Variants in NFE2L2 observed in about 807,000 individuals in gnomAD.
NFE2L2 encodes the protein nuclear factor erythroid 2-related factor 2.
NFE2L2 carries 20 observed loss-of-function variants against 49.6 expected under a neutral mutation model. The observed-to-expected ratio is 0.40, with a 90% CI of 0.28 to 0.59. The LOEUF (loss-of-function observed/expected upper bound fraction) is 0.59. Ranked by LOEUF, NFE2L2 falls within the 20% of genes least tolerant of loss-of-function variation. The pLI, the probability that NFE2L2 is intolerant of heterozygous loss-of-function variation, is 0.40. For missense variants in NFE2L2, 578 were observed against 714.2 expected (o/e 0.81, Z 2.17); for synonymous variants, 244 against 256.5 (o/e 0.95, Z 0.47).
rs763898712 is a variant in NFE2L2 at position 177,231,730 on chromosome 2, A to G, written c.873T>C (p.Ala291=). The change falls in exon 5 of 5, where the codon GCT becomes GCC. Residue 291 remains alanine (A), a synonymous_variant. Coordinates refer to ENST00000397062, the MANE Select transcript of NFE2L2 (RefSeq NM_006164.5). ...FGDEFYSAFI[A]EPSISNSMPS... Reference sequence around the variant, plus strand: ...GCATGCTGTTGCTGATACTGGGCTCAGCTATGAAAGCAGAATAAAATTCAT... The same window carrying G: ...GCATGCTGTTGCTGATACTGGGCTCGGCTATGAAAGCAGAATAAAATTCAT... 7.4e-6 allele frequency: 12 copies of G among 1,614,104 alleles called. No homozygotes were observed. In the East Asian group the frequency reaches 2.4e-4, roughly 33 times the overall value.
rs752766366 is a variant in NFE2L2, at chr2:177,231,875, C to G, written c.728G>C (p.Ser243Thr). Reference sequence around the variant, plus strand: ...CTCAAAAGCATTAAGAAAATGTGGACTACAGTTACCTACTTCTTTTTCCAT... The same window carrying G: ...CTCAAAAGCATTAAGAAAATGTGGAGTACAGTTACCTACTTCTTTTTCCAT... ...PSMEKEVGNC[S>T]PHFLNAFEDS... The change falls in exon 5 of 5, where the codon AGT (serine) becomes ACT (threonine). Residue 243 changes from serine to threonine, a missense_variant. Physicochemically the swap from Ser to Thr is moderately conservative, Grantham distance 58 (BLOSUM62 1). Transcript: ENST00000397062. 5.0e-6 allele frequency: 8 copies of G among 1,614,154 alleles called. No homozygotes were observed. Among genetic ancestry groups the G allele is most frequent in the Non-Finnish European group, 6.8e-6 (8 of 1,180,012 alleles).
intron 1 of NFE2L2, 27 bp from the exon 2 acceptor site, chr2:177,234,298 A>C (rs1374830034): frequency 2.8e-5 from 44 of 1,573,706 alleles, no homozygotes; most frequent in Non-Finnish European, 3.5e-5. Flanking sequence ...AAAAGGAAGG[A>C]GAGAGCTCAT....
At chr2:177,264,013 G>A (rs1389100933) in intron 1 of NFE2L2, 1 of 923,586 alleles carries the variant, frequency 1.1e-6, no homozygotes, top group Non-Finnish European at 1.3e-6. Context: ...CTTGGGGCGC[G>A]GCGAAGGGGC....
chr2:177,257,232 C>G (rs75725292), intron 1 of NFE2L2, among the ~76,000 whole-genome samples: 32 of 152,334 alleles, frequency 2.1e-4, no homozygotes, highest in African/African-American at 7.5e-4. Context: ...GTCCTGGCCT[C>G]CAGGATGTTC....
chr2:177,251,733 T>C (rs1474895902), intron 1 of NFE2L2, among the ~76,000 whole-genome samples: 3 of 151,984 alleles, frequency 2.0e-5, no homozygotes, highest in African/African-American at 2.4e-5. Flanking sequence ...TTGCCAGGCG[T>C]GGTGGCTCAT....
At position 177,232,576 on chromosome 2, in the gene NFE2L2, G is replaced by C. The variant is rs763097686; in HGVS notation, c.410C>G (p.Ser137Trp). The C allele has an allele frequency of 1.2e-6, 2 of 1,613,660 alleles. No individual in the cohort carries two copies. The highest frequency in any genetic ancestry group is 2.2e-5 in the East Asian group (1 of 44,862). The change falls in exon 4 of 5, where the codon TCG (serine) becomes TGG (tryptophan). Residue 137 changes from serine to tryptophan, a missense_variant. Ser to Trp is a radical substitution (Grantham distance 177). Coordinates refer to ENST00000397062, the MANE Select transcript of NFE2L2 (RefSeq NM_006164.5). Reference protein sequence around the residue: ...FPFVDDNEVSSATFQSLVPDI... With the variant: ...FPFVDDNEVSWATFQSLVPDI... ...AGGAACAAGTGACTGAAACGTAGCCGAAGAAACCTAAAATTGATAAGGCAT... is the reference window on the plus strand; with the variant it reads ...AGGAACAAGTGACTGAAACGTAGCCCAAGAAACCTAAAATTGATAAGGCAT...
At chr2:177,233,611 A>G in intron 2 of NFE2L2, 1 of 516,690 alleles carries the variant, frequency 1.9e-6, no homozygotes, top group Non-Finnish European at 3.4e-6. Context: ...ATGGTAACTA[A>G]TTAATATAGT....
chr2:177,250,633 G>C (rs532318956), intron 1 of NFE2L2, among the ~76,000 whole-genome samples: 1 of 152,356 alleles, frequency 6.6e-6, no homozygotes, highest in East Asian at 1.9e-4. Flanking sequence ...GAGAGGTTAA[G>C]TACTTTTGCC....
At chr2:177,256,400 C>A (rs1690525049) in intron 1 of NFE2L2, among the ~76,000 whole-genome samples, 1 of 151,600 alleles carries the variant, frequency 6.6e-6, no homozygotes, top group Non-Finnish European at 1.5e-5. Context: ...AACAGTGGGC[C>A]CCCTAAATAC....
chr2:177,247,530 G>A (rs371405986), intron 1 of NFE2L2, among the ~76,000 whole-genome samples: 19 of 151,698 alleles, frequency 1.3e-4, no homozygotes, highest in Non-Finnish European at 2.1e-4. Context: ...GCGTGGTAGC[G>A]GGAGCCTATA....
At chr2:177,260,274 C>A (rs564325733) in intron 1 of NFE2L2, among the ~76,000 whole-genome samples, 1 of 152,250 alleles carries the variant, frequency 6.6e-6, no homozygotes, top group East Asian at 1.9e-4. Context: ...CCCTGCTGTG[C>A]AACATATTTC....
intron 3 of NFE2L2, 157 bp from the exon 4 acceptor site, chr2:177,232,740 T>C: frequency 1.4e-6 from 1 of 694,596 alleles, no homozygotes; most frequent in Non-Finnish European, 2.3e-6. Flanking sequence ...AAATCTTTTT[T>C]TCCTACCCCA....
intron 1 of NFE2L2, among the ~76,000 whole-genome samples, chr2:177,248,791 T>C (rs1690226914): frequency 6.6e-6 from 1 of 152,168 alleles, no homozygotes. Context: ...TGTAAGACTG[T>C]GCCTTTGCTC....
intron 1 of NFE2L2, among the ~76,000 whole-genome samples, chr2:177,259,837 C>T (rs1299504041): frequency 6.6e-6 from 1 of 151,920 alleles, no homozygotes; most frequent in East Asian, 1.9e-4. Context: ...GAGGCTGGGG[C>T]AGGAGAATGG....
chr2:177,253,311 G>C (rs973652278), intron 1 of NFE2L2, among the ~76,000 whole-genome samples: 1 of 152,138 alleles, frequency 6.6e-6, no homozygotes, highest in Admixed American at 6.5e-5. Context: ...GGCAGTTAAT[G>C]GACTCACCCT....
chr2:177,245,170 T>C (rs1406241184), intron 1 of NFE2L2, among the ~76,000 whole-genome samples: 2 of 152,062 alleles, frequency 1.3e-5, no homozygotes, highest in African/African-American at 2.4e-5. Context: ...TCCTCGTATT[T>C]TGACTTTTCA....
chr2:177,231,014 T>C lies in NFE2L2; in HGVS notation c.1589A>G (p.Asp530Gly), dbSNP rs928413267. Residue 530 changes from aspartate to glycine, a missense_variant, in exon 5 of 5, where the codon GAT (aspartate) becomes GGT (glycine). Asp to Gly is a moderately conservative substitution (Grantham distance 94, BLOSUM62 -1). This residue lies in a region of NFE2L2 where 117 missense variants were observed against 175.8 expected (regional missense o/e 0.67). Transcript: ENST00000397062. ...TTTTTCTTTTTCATCTTTCAAATGA[T>C]CTAAATCTTGCTCTAGTTCTACTAT... ...ENIVELEQDL[D>G]HLKDEKEKLL... 23 of 1,612,464 alleles carry C rather than the reference T, an allele frequency of 1.4e-5. No individual in the cohort carries two copies. Among genetic ancestry groups the C allele is most frequent in the Non-Finnish European group, 1.7e-5 (20 of 1,179,706 alleles).
At chr2:177,263,570 A>G in intron 1 of NFE2L2, 2 of 985,506 alleles carry the variant, frequency 2.0e-6, no homozygotes, top group Non-Finnish European at 2.4e-6. Context: ...CACGCTATAA[A>G]GCAGGAAAGG....
In NFE2L2 at chr2:177,242,984, T is replaced by A. The variant is rs373312971; in HGVS notation, c.46-8713A>T. The stretch of plus-strand genomic sequence containing the variant: ...CAAAGGACTTATGTAAGGGTTTCAC[T>A]ACTTTGCTGAGAGAATGGCTTGGTT... On this transcript the variant is annotated intron_variant, in intron 1 of 4. Coordinates refer to ENST00000397062, the MANE Select transcript of NFE2L2 (RefSeq NM_006164.5). Among the ~76,000 whole-genome samples the A allele has an allele frequency of 1.9e-4, 29 of 151,984 alleles. 1 individual carries two copies. Among genetic ancestry groups the A allele is most frequent in the African/African-American group, 7.0e-4 (29 of 41,436 alleles).
Sources: gnomAD v4.1 joint callset for allele counts (sites outside exome capture counted in the v4.1 genomes callset) on GRCh38, gnomAD v4.1.1 for gene constraint, gnomAD v4.1.1 regional missense constraint, MANE v1.5 for transcripts, NCBI Gene and HGNC (gene_info 2026-07-23, HGNC 2026-07-21) for gene names.